Variants in GABRB1 observed in about 807,000 individuals in gnomAD.
GABRB1 encodes gamma-aminobutyric acid receptor subunit beta-1.
Under a neutral mutation model 51.6 loss-of-function variants are expected in GABRB1, and 17 were observed. The observed-to-expected ratio is 0.33, with a 90% CI of 0.23 to 0.49. The LOEUF (loss-of-function observed/expected upper bound fraction) is 0.49. Ranked by LOEUF, GABRB1 falls within the 20% of genes least tolerant of loss-of-function variation. The pLI is 0.99. For missense variants in GABRB1, 410 were observed against 600.6 expected (o/e 0.68, Z 3.32); for synonymous variants, 247 against 218.9 (o/e 1.13, Z -1.14).
chr4:47,216,992 C>T (rs1489363137), intron 4 of GABRB1, among the ~76,000 whole-genome samples: 3 of 151,814 alleles, frequency 2.0e-5, no homozygotes, highest in Non-Finnish European at 2.9e-5. Flanking sequence ...ATGTGATATA[C>T]TCATACAACA....
At chr4:47,415,386 G>A (rs1578156606) in intron 8 of GABRB1, among the ~76,000 whole-genome samples, 1 of 151,980 alleles carries the variant, frequency 6.6e-6, no homozygotes, top group Non-Finnish European at 1.5e-5. Context: ...CTTCCCTCAT[G>A]GTGGTCCCAA....
intron 4 of GABRB1, among the ~76,000 whole-genome samples, chr4:47,235,242 G>T (rs759095280): frequency 6.6e-6 from 1 of 151,946 alleles, no homozygotes; most frequent in Non-Finnish European, 1.5e-5. Context: ...ACCCTCCATT[G>T]TGCCTTAGTG....
chr4:47,401,845 A>G (rs866509792), intron 5 of GABRB1, among the ~76,000 whole-genome samples: 3 of 95,324 alleles, frequency 3.1e-5, no homozygotes, highest in Admixed American at 9.6e-5. Flanking sequence ...TCTATCATCT[A>G]TCTATCTATC....
intron 3 of GABRB1, among the ~76,000 whole-genome samples, chr4:47,106,792 T>A (rs1167449853): frequency 2.6e-5 from 4 of 152,224 alleles, no homozygotes; most frequent in Admixed American, 6.5e-5. Flanking sequence ...CAAGCAGACC[T>A]GTCCTACAAT....
intron 5 of GABRB1, among the ~76,000 whole-genome samples, chr4:47,391,902 A>T (rs933550011): frequency 6.6e-6 from 1 of 152,204 alleles, no homozygotes; most frequent in Non-Finnish European, 1.5e-5. Context: ...TTATAATATA[A>T]TGAGGAATAG....
chr4:47,425,456 G>A (rs1246881734), intron 8 of GABRB1, among the ~76,000 whole-genome samples: 1 of 150,172 alleles, frequency 6.7e-6, no homozygotes, highest in Non-Finnish European at 1.5e-5. Flanking sequence ...TAGCTAGAAA[G>A]CTAGCAAGGT....
chr4:47,156,777 C>T (rs1717725570), intron 3 of GABRB1, among the ~76,000 whole-genome samples: 1 of 151,882 alleles, frequency 6.6e-6, no homozygotes, highest in South Asian at 2.1e-4. Context: ...CTAAACCAGA[C>T]TGACCAACAT....
At chr4:47,260,256 C>A (rs997772798) in intron 4 of GABRB1, among the ~76,000 whole-genome samples, 1 of 151,592 alleles carries the variant, frequency 6.6e-6, no homozygotes, top group Non-Finnish European at 1.5e-5. Context: ...ATACAGCACA[C>A]TGATGGGTCT....
chr4:47,350,286 T>TAGAG lies in GABRB1; in HGVS notation c.544+30090_544+30093dup, dbSNP rs796436779. ...TAATGTGTGTATATATATATATATA[T>TAGAG]AGAGAGAGAGAGAGAGCTGGCTTTT... On this transcript the variant is annotated intron_variant, in intron 5 of 8. Coordinates refer to ENST00000295454, the MANE Select transcript of GABRB1 (RefSeq NM_000812.4). 1.1e-3 allele frequency among the ~76,000 whole-genome samples: 154 copies of TAGAG among 139,940 alleles called. 1 individual carries two copies. Among genetic ancestry groups the TAGAG allele is most frequent in the African/African-American group, 3.9e-3 (146 of 37,388 alleles). The allele number at this position is 139,940 out of a possible 152,430, so 91.8% of individuals were successfully genotyped here.
intron 4 of GABRB1, among the ~76,000 whole-genome samples, chr4:47,311,045 A>T (rs867665130): frequency 8.2e-6 from 1 of 122,136 alleles, no homozygotes; most frequent in Non-Finnish European, 1.6e-5. Context: ...TGGGTAACAG[A>T]GAGCAACTCT....
chr4:47,131,458 G>T (rs186868562), intron 3 of GABRB1, among the ~76,000 whole-genome samples: 1 of 152,230 alleles, frequency 6.6e-6, no homozygotes, highest in Admixed American at 6.5e-5. Context: ...GCACCAGGCC[G>T]AGTCTTGTTT....
At chr4:47,287,828 CTG>C (rs943230957) in intron 4 of GABRB1, among the ~76,000 whole-genome samples, 2 of 152,150 alleles carry the variant, frequency 1.3e-5, no homozygotes, top group African/African-American at 4.8e-5. Flanking sequence ...TGACAAGAAA[CTG>C]AGAGAGGTCT....
chr4:47,189,023 T>C (rs187599342), intron 4 of GABRB1, among the ~76,000 whole-genome samples: 3 of 152,096 alleles, frequency 2.0e-5, no homozygotes, highest in African/African-American at 7.2e-5. Context: ...GGGAAAGAAA[T>C]AACTGCAGTT....
chr4:47,093,320 T>C (rs1287832674), intron 3 of GABRB1, among the ~76,000 whole-genome samples: 1 of 152,234 alleles, frequency 6.6e-6, no homozygotes, highest in Non-Finnish European at 1.5e-5. Context: ...TTCCATAAGA[T>C]AAAGTTGTCG....
At chr4:47,172,067 A>C (rs1303654001) in intron 4 of GABRB1, among the ~76,000 whole-genome samples, 2 of 152,148 alleles carry the variant, frequency 1.3e-5, no homozygotes, top group African/African-American at 2.4e-5. Context: ...GTGTTATGGC[A>C]CTATAACACT....
chr4:47,264,356 A>G (rs1400638169), intron 4 of GABRB1, among the ~76,000 whole-genome samples: 3 of 152,224 alleles, frequency 2.0e-5, no homozygotes, highest in African/African-American at 7.2e-5. Context: ...ATTTGGACTC[A>G]TGGCCCTATG....
intron 3 of GABRB1, among the ~76,000 whole-genome samples, chr4:47,082,415 C>T (rs966705844): frequency 2.0e-5 from 3 of 151,918 alleles, no homozygotes; most frequent in Non-Finnish European, 4.4e-5. Flanking sequence ...TTATAAAGGC[C>T]CTAAAAATTG....
chr4:47,130,894 A>G (rs1436344093), intron 3 of GABRB1, among the ~76,000 whole-genome samples: 2 of 152,214 alleles, frequency 1.3e-5, no homozygotes, highest in Non-Finnish European at 2.9e-5. Context: ...GCTGGTTACA[A>G]AGAAAGTTAT....
intron 4 of GABRB1, among the ~76,000 whole-genome samples, chr4:47,206,030 C>T (rs1015065608): frequency 2.0e-5 from 3 of 151,504 alleles, no homozygotes; most frequent in African/African-American, 7.3e-5. Context: ...AAAACACTTC[C>T]CGTTTGAGCC....
Sources: gnomAD v4.1 joint callset for allele counts (sites outside exome capture counted in the v4.1 genomes callset) on GRCh38, gnomAD v4.1.1 for gene constraint, MANE v1.5 for transcripts, NCBI Gene and HGNC (gene_info 2026-07-23, HGNC 2026-07-21) for gene names.